The following LAMA3 variants were observed in gnomAD, a reference collection of about 807,000 sequenced individuals.
LAMA3 encodes laminin subunit alpha 3.
Under a neutral mutation model 402.0 loss-of-function variants are expected in LAMA3, and 281 were observed. The observed-to-expected ratio is 0.70, with a 90% CI of 0.63 to 0.77. The LOEUF is 0.77. Ranked by LOEUF, LAMA3 falls within the 30% of genes least tolerant of loss-of-function variation. LAMA3 has a pLI of 0.00. For synonymous variants in LAMA3, 1,431 were observed against 1,558.4 expected (o/e 0.92, Z 1.93); for missense variants, 3,840 against 4,215.5 (o/e 0.91, Z 2.47).
At position 23,908,533 on chromosome 18, in the gene LAMA3, CAAAAAAAAAAA is replaced by C. The variant is rs111961159; in HGVS notation, c.7015+607_7016-601del. Among the ~76,000 whole-genome samples the C allele has an allele frequency of 3.1e-3, 176 of 57,022 alleles. 3 individuals are homozygous for C. Among genetic ancestry groups the C allele is most frequent in the Middle Eastern group, 0.012 (1 of 84 alleles). The allele number at this position is 57,022 out of a possible 152,430, so 37.4% of individuals were successfully genotyped here. On this transcript the variant is annotated intron_variant, in intron 54 of 74. Coordinates refer to ENST00000313654, the MANE Select transcript of LAMA3 (RefSeq NM_198129.4). ...CGACAGAGCGAGACTCCATCTCAAA[CAAAAAAAAAAA>C]AAAAAAAAGGAAAGAAAGAAAGAAA...
At chr18:23,941,457 A>G (rs1225414715) in intron 68 of LAMA3, among the ~76,000 whole-genome samples, 1 of 152,178 alleles carries the variant, frequency 6.6e-6, no homozygotes, top group Non-Finnish European at 1.5e-5. Context: ...GTAACATTTT[A>G]AAAGGTAAAA....
chr18:23,927,262 C>T (rs764674865), intron 62 of LAMA3, among the ~76,000 whole-genome samples: 2 of 152,130 alleles, frequency 1.3e-5, no homozygotes, highest in African/African-American at 2.4e-5. Context: ...CTCCGCCTCC[C>T]GGGTTCAGAT....
At position 23,890,050 on chromosome 18, in the gene LAMA3, A is replaced by C. The variant is rs772125197; in HGVS notation, c.5343A>C (p.Gly1781=). 6.2e-7 allele frequency: 1 copy of C among 1,614,166 alleles called. No homozygotes were observed. Among genetic ancestry groups the C allele is most frequent in the Non-Finnish European group, 8.5e-7 (1 of 1,179,994 alleles). Residue 1781 remains glycine (G), a synonymous_variant, in exon 42 of 75, where the codon GGA becomes GGC. Coordinates refer to ENST00000313654, the MANE Select transcript of LAMA3 (RefSeq NM_198129.4). The part of the protein sequence containing the change: ...PGYFGNPQKF[G]GSCQPCSCNS... ...ATTTCGGGAATCCCCAGAAATTCGG[A>C]GGTAGCTGCCAACCATGCAGTTGTA...
rs1025947348 is a variant in LAMA3 at position 23,769,564 on chromosome 18, A to G, written c.1183-3933A>G. ...CAAAATAATGCAAAGAGGTACAGCT[A>G]AAAGGCCAATAGATACTTCTAAAGG... is the stretch of plus-strand genomic sequence containing the variant. On this transcript the variant is annotated intron_variant, in intron 8 of 74. Coordinates refer to ENST00000313654, the MANE Select transcript of LAMA3 (RefSeq NM_198129.4). Among the ~76,000 whole-genome samples, 11 of 152,358 alleles carry G rather than the reference A, an allele frequency of 7.2e-5. No individual in the cohort carries two copies. The East Asian group carries it at 1.9e-3, about 27-fold the overall frequency.
intron 58 of LAMA3, 132 bp from the exon 59 acceptor site, chr18:23,915,157 G>A (rs1285829095): frequency 9.6e-7 from 1 of 1,046,514 alleles, no homozygotes; most frequent in Non-Finnish European, 1.4e-6. Context: ...AGCAAAGCCA[G>A]GGCATCTTGT....
intron 8 of LAMA3, among the ~76,000 whole-genome samples, chr18:23,772,375 G>A (rs1412549287): frequency 6.6e-6 from 1 of 152,084 alleles, no homozygotes; most frequent in Non-Finnish European, 1.5e-5. Flanking sequence ...TAGTTGTGTC[G>A]TTGTTATGTT....
intron 2 of LAMA3, among the ~76,000 whole-genome samples, chr18:23,731,629 C>G (rs1255333205): frequency 1.3e-5 from 2 of 152,204 alleles, no homozygotes; most frequent in Admixed American, 6.5e-5. Context: ...GGGAGATGGT[C>G]TGGCAGCTGT....
In LAMA3 at chr18:23,749,622, A is replaced by G. The variant is rs531458676; in HGVS notation, c.684+76A>G. Reference sequence around the variant, plus strand: ...GGATATCCAATTTTTCATAATTGCGAAACTTGCACTTTCAAGGACATCTAA... The same window carrying G: ...GGATATCCAATTTTTCATAATTGCGGAACTTGCACTTTCAAGGACATCTAA... On this transcript the variant is annotated intron_variant, in intron 4 of 74. Coordinates refer to ENST00000313654, the MANE Select transcript of LAMA3 (RefSeq NM_198129.4). 2.7e-5 allele frequency: 24 copies of G among 903,418 alleles called. 1 individual carries two copies. In the South Asian group the frequency reaches 3.0e-4, roughly 11 times the overall value. The allele number at this position is 903,418 out of a possible 1,614,324, so 56.0% of individuals were successfully genotyped here. A position where few individuals can be genotyped will look rare whatever the true frequency, so the allele number is the denominator to read the frequency against.
intron 38 of LAMA3, chr18:23,873,147 G>A: frequency 6.2e-7 from 1 of 1,614,210 alleles, no homozygotes; most frequent in Non-Finnish European, 8.5e-7. Context: ...GCAGCAAAGG[G>A]TGCCATTTCT....
intron 67 of LAMA3, among the ~76,000 whole-genome samples, chr18:23,935,510 CAG>C (rs376891357): frequency 3.9e-5 from 6 of 152,314 alleles, no homozygotes; most frequent in Non-Finnish European, 5.9e-5. Context: ...TGCCCAGTAG[CAG>C]AGAGAATACA....
intron 9 of LAMA3, among the ~76,000 whole-genome samples, chr18:23,773,814 T>A (rs2062255601): frequency 6.6e-6 from 1 of 152,232 alleles, no homozygotes; most frequent in South Asian, 2.1e-4. Flanking sequence ...TAAAATGCAA[T>A]CAAAAGCATG....
chr18:23,954,449 A>T, intron 74 of LAMA3, 54 bp from the exon 75 acceptor site: 2 of 1,439,794 alleles, frequency 1.4e-6, no homozygotes, highest in South Asian at 1.1e-5. Context: ...TCCAGGGAAC[A>T]GTCCCTGGAC....
intron 1 of LAMA3, among the ~76,000 whole-genome samples, chr18:23,704,367 C>G (rs746683485): frequency 9.2e-5 from 14 of 152,310 alleles, no homozygotes; most frequent in Non-Finnish European, 1.6e-4. Flanking sequence ...GAAAGTGTTC[C>G]AGGCCATAAG....
intron 13 of LAMA3, 135 bp from the exon 14 acceptor site, chr18:23,812,922 A>C: frequency 3.0e-6 from 2 of 676,466 alleles, no homozygotes; most frequent in South Asian, 3.3e-5. Context: ...TTGCATGCAG[A>C]CTTTGCCACA....
At chr18:23,872,888 C>A in intron 38 of LAMA3, 2 of 779,118 alleles carry the variant, frequency 2.6e-6, no homozygotes, top group Non-Finnish European at 4.3e-6. Context: ...TGCGCTCTGG[C>A]ACAGGCTGAC....
chr18:23,944,089 T>C, intron 69 of LAMA3, 118 bp downstream of exon 69: 1 of 1,012,494 alleles, frequency 9.9e-7, no homozygotes, highest in Non-Finnish European at 1.5e-6. Context: ...GGAGAGCTTG[T>C]GTGCTTGCAG....
At chr18:23,810,545 G>C (rs1318413637) in intron 13 of LAMA3, 42 bp downstream of exon 13, 2 of 1,611,692 alleles carry the variant, frequency 1.2e-6, no homozygotes, top group Non-Finnish European at 1.7e-6. Flanking sequence ...GTTCCTCTCT[G>C]AAGTGTGTGC....
intron 36 of LAMA3, among the ~76,000 whole-genome samples, chr18:23,867,091 G>A (rs1420548810): frequency 1.3e-5 from 2 of 152,120 alleles, no homozygotes; most frequent in African/African-American, 4.8e-5. Flanking sequence ...GGCAGCAGGG[G>A]AATTTTTCGC....
At chr18:23,862,201 C>T (rs566361623) in intron 35 of LAMA3, among the ~76,000 whole-genome samples, 18 of 152,260 alleles carry the variant, frequency 1.2e-4, no homozygotes, top group East Asian at 3.9e-4. Flanking sequence ...GTTAGGAAAA[C>T]GAAAGCTAAC....
Sources: gnomAD v4.1 joint callset for allele counts (sites outside exome capture counted in the v4.1 genomes callset) on GRCh38, gnomAD v4.1.1 for gene constraint, MANE v1.5 for transcripts, NCBI Gene and HGNC (gene_info 2026-07-23, HGNC 2026-07-21) for gene names.